The following SNX15 variants were observed in gnomAD, a reference collection of about 807,000 sequenced individuals.
The protein encoded by SNX15 is sorting nexin 15.
A neutral mutation model predicts 35.2 loss-of-function variants in SNX15; 29 were observed. The ratio of observed to expected loss-of-function variants is 0.82; its 90% CI spans 0.61 to 1.12. The LOEUF (loss-of-function observed/expected upper bound fraction) is 1.12, where lower values mean the gene tolerates loss of function less well. SNX15 is among the 50% of genes most tolerant of loss of function. The probability of loss-of-function intolerance (pLI) is 0.00; values close to 1 mark genes in which losing one functional copy is unlikely to be tolerated. For synonymous variants in SNX15, 189 were observed against 188.2 expected (o/e 1.00, Z -0.03); for missense variants, 400 against 451.5 (o/e 0.89, Z 1.03).
chr11:65,027,537 C>T lies in SNX15; in HGVS notation c.-1C>T. The T allele has an allele frequency of 6.2e-7, 1 of 1,613,690 alleles. No individual in the cohort carries two copies. The highest frequency in any genetic ancestry group is 8.5e-7 in the Non-Finnish European group (1 of 1,179,848). The stretch of plus-strand genomic sequence containing the variant: ...GCTCCGCTCCGCTCCAGCTCGGTTT[C>T]ATGTCCCGCCAGGCGAAGGATGACT... On this transcript the variant is annotated 5_prime_UTR_variant, in exon 1 of 8. Coordinates refer to ENST00000377244, the MANE Select transcript of SNX15 (RefSeq NM_013306.5).
chr11:65,029,739 G>C (rs1946419890), intron 1 of SNX15, among the ~76,000 whole-genome samples: 2 of 151,790 alleles, frequency 1.3e-5, no homozygotes, highest in African/African-American at 4.8e-5. Flanking sequence ...ACCACACCCG[G>C]CTACTTTTTG....
At chr11:65,039,070 T>C (rs1259382608) in intron 7 of SNX15, among the ~76,000 whole-genome samples, 2 of 144,790 alleles carry the variant, frequency 1.4e-5, no homozygotes, top group Non-Finnish European at 3.0e-5. Context: ...TTGCTCTTGT[T>C]GCAGGCTGGA....
chr11:65,035,842 C>CTTCT, intron 6 of SNX15, 179 bp downstream of exon 6: 1 of 592,278 alleles, frequency 1.7e-6, no homozygotes, highest in Non-Finnish European at 2.7e-6. Context: ...TGTGCCAGGG[C>CTTCT]ACGTGGTGTG....
In SNX15 at chr11:65,035,607, C is replaced by T; in HGVS notation, c.608C>T (p.Ala203Val). ...ESTEEASGSP[A>V]RGPLTEAELA... The stretch of plus-strand genomic sequence containing the variant: ...ACCGAGGAGGCATCTGGTTCCCCTG[C>T]CCGAGGCCCCCTCACCGAGGCTGAG... Residue 203 changes from alanine (A) to valine (V), a missense_variant, in exon 6 of 8, where the codon GCC becomes GTC. Coordinates refer to ENST00000377244, the MANE Select transcript of SNX15 (RefSeq NM_013306.5). The T allele has an allele frequency of 1.2e-6, 2 of 1,613,938 alleles. No individual in the cohort carries two copies. Among genetic ancestry groups the T allele is most frequent in the Non-Finnish European group, 1.7e-6 (2 of 1,179,914 alleles).
At chr11:65,035,495 A>T in intron 5 of SNX15, 25 bp from the exon 6 acceptor site, 1 of 1,559,680 alleles carries the variant, frequency 6.4e-7, no homozygotes, top group African/African-American at 1.4e-5. Flanking sequence ...GCAGGTATTC[A>T]TGACCCCACT....
chr11:65,035,261 C>T (rs1457219634), intron 5 of SNX15, 55 bp downstream of exon 5: 18 of 1,446,988 alleles, frequency 1.2e-5, no homozygotes, highest in Admixed American at 7.8e-5. Context: ...GTGGGGAGGG[C>T]GGCCACACTC....
intron 6 of SNX15, chr11:65,035,898 G>A (rs1590741649): frequency 4.8e-6 from 2 of 413,214 alleles, no homozygotes; most frequent in South Asian, 8.9e-5. Context: ...AGGAAGGAAA[G>A]GAGGCACTTC....
Position 65,038,631 on chromosome 11 carries a change from G to C in SNX15, c.724G>C (p.Ala242Pro), listed in dbSNP as rs902051261. Residue 242 changes from alanine (A) to proline (P), a missense_variant, in exon 7 of 8, where the codon GCA (alanine) becomes CCA (proline). By Grantham distance (27) the Ala-to-Pro change is conservative. Transcript: ENST00000377244. ...GCTGGCAACGATGGAGGTGGAGTCT[G>C]CAAGGCTGGACCAGGAACCCTGGGA... ...AELATMEVES[A>P]RLDQEPWEPG... 1 of 1,610,848 alleles carries C rather than the reference G, an allele frequency of 6.2e-7. No individual in the cohort carries two copies. The highest frequency in any genetic ancestry group is 8.5e-7 in the Non-Finnish European group (1 of 1,178,558).
chr11:65,027,708 G>T (rs753671830), intron 1 of SNX15, 72 bp downstream of exon 1: 14 of 1,158,710 alleles, frequency 1.2e-5, no homozygotes, highest in East Asian at 2.4e-5. Context: ...AAGGAAAGGC[G>T]GTGCAGCCAC....
chr11:65,035,716 G>A, intron 6 of SNX15, 53 bp downstream of exon 6: 1 of 1,551,950 alleles, frequency 6.4e-7, no homozygotes, highest in East Asian at 2.3e-5. Flanking sequence ...CCTTGGGACA[G>A]GGAGGAGGGC....
In SNX15 at chr11:65,035,637, C is replaced by T; in HGVS notation, c.638C>T (p.Ala213Val). Residue 213 changes from alanine (A) to valine (V), a missense_variant, in exon 6 of 8, where the codon GCC becomes GTC. By Grantham distance (64) the Ala-to-Val change is moderately conservative. Coordinates refer to ENST00000377244, the MANE Select transcript of SNX15 (RefSeq NM_013306.5). ...ARGPLTEAEL[A>V]LFDPFSKEEG... Reference sequence around the variant, plus strand: ...GGCCCCCTCACCGAGGCTGAGCTTGCCCTCTTCGACCCCTTCTCCAAGGAA... The same window carrying T: ...GGCCCCCTCACCGAGGCTGAGCTTGTCCTCTTCGACCCCTTCTCCAAGGAA... The T allele has an allele frequency of 6.2e-7, 1 of 1,608,048 alleles. No individual in the cohort carries two copies. The highest frequency in any genetic ancestry group is 1.1e-5 in the South Asian group (1 of 90,326).
At chr11:65,027,737 C>A in intron 1 of SNX15, 101 bp downstream of exon 1, 1 of 853,876 alleles carries the variant, frequency 1.2e-6, no homozygotes, top group South Asian at 1.5e-5. Flanking sequence ...TTTTAGACGA[C>A]AGAAATGGGT....
At chr11:65,035,813 C>A in intron 6 of SNX15, 150 bp downstream of exon 6, 1 of 736,064 alleles carries the variant, frequency 1.4e-6, no homozygotes, top group Non-Finnish European at 2.0e-6. Flanking sequence ...ATAGCAGCTT[C>A]AATGAGAATT....
At position 65,035,211 on chromosome 11, in the gene SNX15, A is replaced by C. The variant is rs560173883; in HGVS notation, c.520+5A>C. 1 of 1,568,998 alleles carries C rather than the reference A, an allele frequency of 6.4e-7. No individual in the cohort carries two copies. Among genetic ancestry groups the C allele is most frequent in the African/African-American group, 1.4e-5 (1 of 73,156 alleles). On this transcript the variant is annotated splice_donor_5th_base_variant and intron_variant, in intron 5 of 7. Transcript: ENST00000377244. ...TCGAGGAATTGGAGGTGCCAGGTAC[A>C]TCGGGGTGGGAGGAGGGAACCAGGG...
intron 1 of SNX15, among the ~76,000 whole-genome samples, chr11:65,029,817 T>TCCTCCCACCTCGG (rs1449395297): frequency 2.0e-5 from 3 of 152,022 alleles, no homozygotes; most frequent in Non-Finnish European, 4.4e-5. Flanking sequence ...CCTCAAGTTA[T>TCCTCCCACCTCGG]CCTCCCACCT....
intron 6 of SNX15, 94 bp downstream of exon 6, chr11:65,035,757 C>G (rs1946495335): frequency 7.4e-7 from 1 of 1,344,110 alleles, no homozygotes; most frequent in Non-Finnish European, 1.0e-6. Context: ...AGTGCCTGCG[C>G]AGATCAGGGA....
Position 65,027,625 on chromosome 11 carries a change from G to C in SNX15, c.88G>C (p.Val30Leu). ...CCCCAAGGGCTACACCGAGTACAAA[G>C]TAACCGCGCAGGTGAGGTGGGGCCC... ...THPKGYTEYKVTAQFISKKDP... is the reference protein window; with the variant it reads ...THPKGYTEYKLTAQFISKKDP... Residue 30 changes from valine (V) to leucine (L), a missense_variant, in exon 1 of 8, where the codon GTA becomes CTA. By Grantham distance (32) the Val-to-Leu change is conservative. Coordinates refer to ENST00000377244, the MANE Select transcript of SNX15 (RefSeq NM_013306.5). 1.2e-6 allele frequency: 2 copies of C among 1,613,644 alleles called. No individual in the cohort carries two copies. Among genetic ancestry groups the C allele is most frequent in the Non-Finnish European group, 1.7e-6 (2 of 1,179,620 alleles).
intron 1 of SNX15, among the ~76,000 whole-genome samples, chr11:65,030,091 G>T (rs112978052): frequency 0.12 from 18,618 of 151,878 alleles, 1,517 homozygotes; most frequent in South Asian, 0.23. Context: ...GCGTGGTGGC[G>T]CACGCCTGTA....
In SNX15 at chr11:65,035,681, C is replaced by A; in HGVS notation, c.664+18C>A. On this transcript the variant is annotated intron_variant, in intron 6 of 7. Transcript: ENST00000377244. The stretch of plus-strand genomic sequence containing the variant: ...CAAGGAAGGTAATGAGCTGGGACAG[C>A]CGGGAAGGAGCCAGGGCAGGACGTC... 6.3e-7 allele frequency: 1 copy of A among 1,588,136 alleles called. No individual in the cohort carries two copies. The highest frequency in any genetic ancestry group is 8.6e-7 in the Non-Finnish European group (1 of 1,167,408).
Sources: allele counts gnomAD v4.1 joint callset (sites outside exome capture counted in the v4.1 genomes callset), GRCh38; gene constraint gnomAD v4.1.1; transcripts MANE v1.5; gene names NCBI Gene and HGNC (gene_info 2026-07-23, HGNC 2026-07-21).